Variants in CDK13 observed in about 807,000 individuals in gnomAD.
The protein encoded by CDK13 is cyclin dependent kinase 13.
CDK13 carries 40 observed loss-of-function variants against 137.6 expected under a neutral mutation model. The ratio of observed to expected loss-of-function variants is 0.29; its 90% confidence interval spans 0.23 to 0.38. CDK13 has a LOEUF of 0.38. Among genes scored for constraint, CDK13 ranks in the 10% least tolerant of loss-of-function variants. The pLI, the probability that CDK13 is intolerant of heterozygous loss-of-function variation, is 1.00. For synonymous variants in CDK13, 869 were observed against 760.1 expected, an observed-to-expected ratio of 1.14 and a Z score of -2.36; for missense variants, 1,704 against 1,951.8, an observed-to-expected ratio of 0.87 and a Z score of 2.39.
At chr7:40,075,180 A>G (rs1257880605) in intron 9 of CDK13, among the ~76,000 whole-genome samples, 1 of 152,162 alleles carries the variant, frequency 6.6e-6, no homozygotes, top group Admixed American at 6.5e-5. Context: ...TGGAATCACG[A>G]TAGATTCCCA....
intron 5 of CDK13, among the ~76,000 whole-genome samples, chr7:40,044,815 T>C (rs1785699545): frequency 6.6e-6 from 1 of 152,134 alleles, no homozygotes; most frequent in Non-Finnish European, 1.5e-5. Flanking sequence ...TTTTTGTATA[T>C]TTATTAGAGA....
At chr7:40,086,289 T>C (rs1584088443) in intron 11 of CDK13, among the ~76,000 whole-genome samples, 1 of 152,264 alleles carries the variant, frequency 6.6e-6, no homozygotes, top group Admixed American at 6.5e-5. Flanking sequence ...GATATGGAAA[T>C]TCCTTTAAAA....
At chr7:40,051,157 A>T (rs984743480) in intron 7 of CDK13, among the ~76,000 whole-genome samples, 2 of 151,810 alleles carry the variant, frequency 1.3e-5, no homozygotes, top group Non-Finnish European at 1.5e-5. Flanking sequence ...TGTATACTGA[A>T]TTTTTCTGCT....
intron 1 of CDK13, among the ~76,000 whole-genome samples, chr7:39,977,393 T>A (rs1252910123): frequency 2.6e-5 from 4 of 152,212 alleles, no homozygotes; most frequent in Admixed American, 6.5e-5. Context: ...ATGATAGAAG[T>A]CAAGGCTTGA....
intron 1 of CDK13, among the ~76,000 whole-genome samples, chr7:39,966,773 T>G (rs1461764651): frequency 6.6e-6 from 1 of 152,142 alleles, no homozygotes; most frequent in Non-Finnish European, 1.5e-5. Context: ...ATGATGGTGA[T>G]GTACAGATGG....
intron 1 of CDK13, among the ~76,000 whole-genome samples, chr7:39,958,252 T>C (rs1023000837): frequency 6.6e-6 from 1 of 152,204 alleles, no homozygotes; most frequent in East Asian, 1.9e-4. Context: ...TTCAGTTGCA[T>C]AGGGGCACTT....
intron 5 of CDK13, among the ~76,000 whole-genome samples, chr7:40,020,242 A>G (rs1196948133): frequency 1.3e-5 from 2 of 151,394 alleles, no homozygotes; most frequent in African/African-American, 4.9e-5. Context: ...TACTTTTTGT[A>G]TTTTCAGTAG....
chr7:40,093,051 C>T lies in CDK13; in HGVS notation c.3502C>T (p.Pro1168Ser), dbSNP rs775615603. The change falls in exon 13 of 14, where the codon CCT becomes TCT. Residue 1168 changes from proline to serine, a missense_variant. Transcript: ENST00000181839. Reference protein sequence around the residue: ...GIQPSSQTIQPKVETDAAQAA... With the variant: ...GIQPSSQTIQSKVETDAAQAA... ...TCAGCCTTCTTCTCAGACCATCCAG[C>T]CTAAAGTGGAGACTGATGCTGCCCA... 15 of 1,614,018 alleles carry T rather than the reference C, an allele frequency of 9.3e-6. No homozygotes were observed. The South Asian group carries it at 1.5e-4, about 17-fold the overall frequency.
At chr7:39,964,536 G>C (rs1439436776) in intron 1 of CDK13, among the ~76,000 whole-genome samples, 1 of 150,016 alleles carries the variant, frequency 6.7e-6, no homozygotes, top group East Asian at 1.9e-4. Flanking sequence ...TCTTGCTAGC[G>C]GTCTGTCAAT....
intron 11 of CDK13, among the ~76,000 whole-genome samples, chr7:40,087,004 G>C (rs10156182): frequency 0.54 from 82,197 of 151,516 alleles, 24,276 homozygotes; most frequent in African/African-American, 0.79. Flanking sequence ...CAGGGTTTCA[G>C]CATGTTGCCC....
chr7:39,954,870 C>G (rs1787358888), intron 1 of CDK13, among the ~76,000 whole-genome samples: 1 of 152,212 alleles, frequency 6.6e-6, no homozygotes, highest in African/African-American at 2.4e-5. Context: ...CCACCTGCTG[C>G]ATCAGCCTCC....
intron 2 of CDK13, among the ~76,000 whole-genome samples, chr7:39,996,281 A>T (rs1291287182): frequency 6.6e-6 from 1 of 152,222 alleles, no homozygotes; most frequent in Non-Finnish European, 1.5e-5. Context: ...TAGTTGCAAT[A>T]AATTTTTTCA....
In CDK13 at chr7:40,094,825, T is replaced by C. The variant is rs771389511; in HGVS notation, c.4384T>C (p.Tyr1462His). Reference protein sequence around the residue: ...PLPAKMHNYNYGGNLQENPSG... With the variant: ...PLPAKMHNYNHGGNLQENPSG... ...GCCAGCAAAGATGCACAACTATAAC[T>C]ATGGTGGTAACTTACAGGAAAATCC... The change falls in exon 14 of 14, where the codon TAT becomes CAT. Residue 1462 changes from tyrosine to histidine, a missense_variant. Tyr to His is a moderately conservative substitution (Grantham distance 83, BLOSUM62 2). Coordinates refer to ENST00000181839, the MANE Select transcript of CDK13 (RefSeq NM_003718.5). The C allele has an allele frequency of 6.4e-7, 1 of 1,569,914 alleles. No individual in the cohort carries two copies. Among genetic ancestry groups the C allele is most frequent in the Non-Finnish European group, 8.6e-7 (1 of 1,159,232 alleles).
At chr7:40,072,050 A>G (rs527533803) in intron 9 of CDK13, 1 of 152,328 alleles carries the variant, frequency 6.6e-6, no homozygotes, top group Admixed American at 6.5e-5. Flanking sequence ...AGTATTTCCC[A>G]TTTCATCGCA....
At chr7:39,956,149 TAA>T (rs1166245336) in intron 1 of CDK13, among the ~76,000 whole-genome samples, 1 of 152,010 alleles carries the variant, frequency 6.6e-6, no homozygotes, top group Admixed American at 6.6e-5. Flanking sequence ...TTAATAGAAA[TAA>T]GTCATGAAAA....
intron 5 of CDK13, among the ~76,000 whole-genome samples, chr7:40,027,929 C>G (rs1423746790): frequency 6.6e-6 from 1 of 151,842 alleles, no homozygotes; most frequent in Admixed American, 6.6e-5. Flanking sequence ...GGAACGTAGG[C>G]CCTTGCCATA....
rs563465556 is a variant in CDK13, at chr7:39,971,896, CAA to C, written c.1212-15696_1212-15695del. On this transcript the variant is annotated intron_variant, in intron 1 of 13. Coordinates refer to ENST00000181839, the MANE Select transcript of CDK13 (RefSeq NM_003718.5). ...TCTCAAAAAGACAAAAAATGAAAAA[CAA>C]AAAAAACAAAAAAAGGTCCAGCCCC... Among the ~76,000 whole-genome samples the C allele has an allele frequency of 4.6e-3, 694 of 151,232 alleles. 5 individuals carry two copies. The highest frequency in any genetic ancestry group is 0.015 in the African/African-American group (621 of 41,260).
At chr7:39,960,511 C>T (rs904841355) in intron 1 of CDK13, among the ~76,000 whole-genome samples, 1 of 152,052 alleles carries the variant, frequency 6.6e-6, no homozygotes, top group Non-Finnish European at 1.5e-5. Context: ...CCCGCCTTGG[C>T]CTCTCAAAGT....
intron 7 of CDK13, among the ~76,000 whole-genome samples, chr7:40,056,342 A>G (rs925725099): frequency 6.6e-6 from 1 of 152,212 alleles, no homozygotes; most frequent in African/African-American, 2.4e-5. Flanking sequence ...TTTAAAAAAT[A>G]GTTTATTAAA....
Sources: gnomAD v4.1 joint callset for allele counts (sites outside exome capture counted in the v4.1 genomes callset) on GRCh38, gnomAD v4.1.1 for gene constraint, MANE v1.5 for transcripts, NCBI Gene and HGNC (gene_info 2026-07-23, HGNC 2026-07-21) for gene names.